The following CTNNA1 variants were observed in gnomAD, a reference collection of about 807,000 sequenced individuals.
CTNNA1 encodes the protein catenin alpha-1.
A neutral mutation model predicts 98.4 loss-of-function variants in CTNNA1; 37 were observed. The ratio of observed to expected loss-of-function variants is 0.38; its 90% CI spans 0.29 to 0.49. The LOEUF (loss-of-function observed/expected upper bound fraction) is 0.49. Ranked by LOEUF, CTNNA1 falls within the 20% of genes least tolerant of loss-of-function variation. The probability of loss-of-function intolerance (pLI) is 0.95; values close to 1 mark genes in which losing one functional copy is unlikely to be tolerated. For missense variants in CTNNA1, 761 were observed against 1,147.2 expected, an observed-to-expected ratio of 0.66 and a Z score of 4.86; for synonymous variants, 404 against 413.2, an observed-to-expected ratio of 0.98 and a Z score of 0.27.
At chr5:138,777,610 C>T (rs1159741598) in intron 1 of CTNNA1, among the ~76,000 whole-genome samples, 1 of 152,028 alleles carries the variant, frequency 6.6e-6, no homozygotes. Context: ...AATCCCGGCA[C>T]CTCTGGAGGC....
chr5:138,858,758 G>C (rs895160107), intron 7 of CTNNA1, among the ~76,000 whole-genome samples: 3 of 151,996 alleles, frequency 2.0e-5, no homozygotes, highest in African/African-American at 7.2e-5. Flanking sequence ...ACCACGCCCA[G>C]CTAATTTTGT....
intron 7 of CTNNA1, among the ~76,000 whole-genome samples, chr5:138,863,750 G>T (rs1432936092): frequency 6.6e-6 from 1 of 152,178 alleles, no homozygotes; most frequent in Non-Finnish European, 1.5e-5. Flanking sequence ...TGATTGAGGT[G>T]GACAAGATAC....
At chr5:138,900,051 C>CAA (rs1757701457) in intron 9 of CTNNA1, among the ~76,000 whole-genome samples, 1 of 152,192 alleles carries the variant, frequency 6.6e-6, no homozygotes, top group Non-Finnish European at 1.5e-5. Context: ...ATCATCATTT[C>CAA]CCCTGTGGGT....
chr5:138,855,685 G>A (rs143437899), intron 7 of CTNNA1, among the ~76,000 whole-genome samples: 200 of 152,286 alleles, frequency 1.3e-3, no homozygotes, highest in African/African-American at 4.4e-3. Flanking sequence ...CACTGTAAGC[G>A]TGTGTCTTTC....
intron 5 of CTNNA1, 96 bp downstream of exon 5, chr5:138,812,398 C>G: frequency 7.5e-7 from 1 of 1,342,190 alleles, no homozygotes. Flanking sequence ...CCATTACTTA[C>G]CTTCGCCAAT....
In CTNNA1 at chr5:138,919,868, G is replaced by C. The variant is rs554443164; in HGVS notation, c.1546+1970G>C. Among the ~76,000 whole-genome samples the C allele has an allele frequency of 1.8e-4, 28 of 151,936 alleles. No homozygotes were observed. The East Asian group carries it at 4.8e-3, about 26-fold the overall frequency. On this transcript the variant is annotated intron_variant, in intron 11 of 17. Transcript: ENST00000302763. ...TTTATGTAATATGCGGAGACAAGCA[G>C]ATGCCTGTGCAGGTTTCTACTGGGA...
At chr5:138,846,207 C>T (rs879711740) in intron 7 of CTNNA1, among the ~76,000 whole-genome samples, 4 of 152,340 alleles carry the variant, frequency 2.6e-5, no homozygotes, top group Admixed American at 2.6e-4. Flanking sequence ...CCTCCTCGGC[C>T]TCTCAAAGTG....
intron 7 of CTNNA1, among the ~76,000 whole-genome samples, chr5:138,844,752 C>G (rs551437338): frequency 3.3e-5 from 5 of 151,996 alleles, no homozygotes; most frequent in Admixed American, 1.3e-4. Flanking sequence ...TTATAAAGCA[C>G]TAGAGCAAGT....
intron 9 of CTNNA1, among the ~76,000 whole-genome samples, chr5:138,894,949 C>T (rs1190940239): frequency 6.6e-6 from 1 of 152,164 alleles, no homozygotes; most frequent in South Asian, 2.1e-4. Context: ...CGCTTATCCC[C>T]TCCATTGCAT....
intron 1 of CTNNA1, among the ~76,000 whole-genome samples, chr5:138,775,035 G>A (rs1753952970): frequency 6.6e-6 from 1 of 152,222 alleles, no homozygotes; most frequent in Non-Finnish European, 1.5e-5. Flanking sequence ...TTTTGAGAAA[G>A]TGAAATAGTT....
chr5:138,885,681 C>G (rs1753876667), intron 7 of CTNNA1, among the ~76,000 whole-genome samples: 1 of 152,110 alleles, frequency 6.6e-6, no homozygotes, highest in East Asian at 1.9e-4. Flanking sequence ...AGTAATCCTA[C>G]AAAGCATTAT....
intron 10 of CTNNA1, 181 bp downstream of exon 10, chr5:138,904,622 T>C: frequency 1.3e-6 from 1 of 766,558 alleles, no homozygotes; most frequent in Non-Finnish European, 2.0e-6. Flanking sequence ...TTAAGTGACA[T>C]TTGCACGGGA....
rs747842444 is a variant in CTNNA1, at chr5:138,917,850, G to A, written c.1498G>A (p.Asp500Asn). 6.2e-7 allele frequency: 1 copy of A among 1,614,196 alleles called. No homozygotes were observed. The highest frequency in any genetic ancestry group is 2.2e-5 in the East Asian group (1 of 44,880). ...GGAAAAACAAGTCCGTGTTCTCACA[G>A]ATGCTGTCGATGACATTACTTCCAT... Reference protein sequence around the residue: ...QWEKQVRVLTDAVDDITSIDD... With the variant: ...QWEKQVRVLTNAVDDITSIDD... Residue 500 changes from aspartate to asparagine, a missense_variant, in exon 11 of 18, where the codon GAT (aspartate) becomes AAT (asparagine). By Grantham distance (23) the Asp-to-Asn change is conservative. Around this residue, in one of 6 missense-constraint regions of CTNNA1, gnomAD observed 287 missense variants for 436.0 expected, o/e 0.66. Transcript: ENST00000302763.
intron 3 of CTNNA1, among the ~76,000 whole-genome samples, chr5:138,797,448 G>C (rs1757096350): frequency 6.6e-6 from 1 of 152,024 alleles, no homozygotes; most frequent in Non-Finnish European, 1.5e-5. Context: ...ATTTAAAGTG[G>C]AAATGAAAAT....
intron 9 of CTNNA1, among the ~76,000 whole-genome samples, chr5:138,900,861 G>C (rs1757878946): frequency 6.6e-6 from 1 of 152,150 alleles, no homozygotes. Context: ...TCTTCCGCAA[G>C]GTCCAAACTT....
chr5:138,876,921 A>G (rs1751698294), intron 7 of CTNNA1, among the ~76,000 whole-genome samples: 1 of 152,238 alleles, frequency 6.6e-6, no homozygotes. Flanking sequence ...AAAAATGCCT[A>G]CGAAGTACAA....
chr5:138,882,210 G>A (rs1215363290), intron 7 of CTNNA1, among the ~76,000 whole-genome samples: 1 of 152,188 alleles, frequency 6.6e-6, no homozygotes, highest in Non-Finnish European at 1.5e-5. Flanking sequence ...TTGAACTTAG[G>A]GCTGAGGTTG....
At chr5:138,903,667 T>G (rs1758571880) in intron 9 of CTNNA1, among the ~76,000 whole-genome samples, 2 of 152,194 alleles carry the variant, frequency 1.3e-5, no homozygotes, top group African/African-American at 4.8e-5. Flanking sequence ...AGATTTCGGT[T>G]CAAATTAAGC....
At chr5:138,918,717 C>G (rs1412778115) in intron 11 of CTNNA1, among the ~76,000 whole-genome samples, 1 of 152,220 alleles carries the variant, frequency 6.6e-6, no homozygotes, top group Non-Finnish European at 1.5e-5. Flanking sequence ...AATGCATTCT[C>G]CATTTAACGG....
Sources: allele counts gnomAD v4.1 joint callset (sites outside exome capture counted in the v4.1 genomes callset), GRCh38; gene constraint gnomAD v4.1.1; regional missense constraint gnomAD v4.1.1; transcripts MANE v1.5; gene names NCBI Gene and HGNC (gene_info 2026-07-23, HGNC 2026-07-21).